The following CEP112 variants were observed in gnomAD, a reference collection of about 807,000 sequenced individuals.
CEP112 encodes centrosomal protein of 112 kDa.
A neutral mutation model predicts 153.0 loss-of-function variants in CEP112; 127 were observed. That is an observed-to-expected ratio of 0.83 (90% CI 0.72 to 0.96). CEP112 has a LOEUF of 0.96. CEP112 is among the 40% of genes least tolerant of loss of function. The pLI, the probability that CEP112 is intolerant of heterozygous loss-of-function variation, is 0.00. For missense variants in CEP112, 1,089 were observed against 1,101.2 expected, an observed-to-expected ratio of 0.99 and a Z score of 0.16; for synonymous variants, 358 against 374.4, an observed-to-expected ratio of 0.96 and a Z score of 0.51.
intron 23 of CEP112, among the ~76,000 whole-genome samples, chr17:65,721,560 T>C (rs183331018): frequency 6.6e-6 from 1 of 152,206 alleles, no homozygotes; most frequent in Non-Finnish European, 1.5e-5. Flanking sequence ...ATATTGATCA[T>C]CTAGCATCAT....
chr17:66,151,513 A>T (rs1380995987), intron 4 of CEP112, among the ~76,000 whole-genome samples: 1 of 152,214 alleles, frequency 6.6e-6, no homozygotes, highest in Non-Finnish European at 1.5e-5. Context: ...TTTAATAAAC[A>T]GAATCCGACA....
At chr17:65,909,946 G>A (rs2060223860) in intron 19 of CEP112, among the ~76,000 whole-genome samples, 1 of 152,108 alleles carries the variant, frequency 6.6e-6, no homozygotes, top group African/African-American at 2.4e-5. Flanking sequence ...TTCTGCCTGG[G>A]TGGAAGAATA....
chr17:65,956,609 C>T (rs55749520), intron 18 of CEP112, among the ~76,000 whole-genome samples: 62,290 of 150,866 alleles, frequency 0.41, 14,177 homozygotes, highest in East Asian at 0.87. Context: ...ACAATAAACT[C>T]TGGGGACTCA....
intron 4 of CEP112, among the ~76,000 whole-genome samples, chr17:66,161,063 CCAA>C (rs531992454): frequency 2.5e-3 from 386 of 151,834 alleles, no homozygotes; most frequent in South Asian, 4.6e-3. Flanking sequence ...ATTTATGCCA[CCAA>C]CAAACATACG....
At chr17:66,037,662 A>G (rs1186600293) in intron 12 of CEP112, among the ~76,000 whole-genome samples, 1 of 152,162 alleles carries the variant, frequency 6.6e-6, no homozygotes, top group Non-Finnish European at 1.5e-5. Flanking sequence ...CTCTAGTACC[A>G]TAAAAGTATG....
intron 23 of CEP112, among the ~76,000 whole-genome samples, chr17:65,722,272 A>G (rs919667759): frequency 5.9e-5 from 9 of 151,662 alleles, no homozygotes; most frequent in African/African-American, 1.9e-4. Context: ...TTTTTGAGAT[A>G]GAGTCTCCCT....
At chr17:65,947,842 G>C (rs1207414318) in intron 18 of CEP112, among the ~76,000 whole-genome samples, 2 of 151,962 alleles carry the variant, frequency 1.3e-5, no homozygotes, top group South Asian at 2.1e-4. Context: ...TTAACCAAGA[G>C]AAAATGCTTC....
chr17:65,848,081 C>T (rs959902796), intron 21 of CEP112, among the ~76,000 whole-genome samples: 8 of 152,198 alleles, frequency 5.3e-5, no homozygotes, highest in East Asian at 1.9e-4. Context: ...TGATTCTTCA[C>T]GTCATTAAGC....
At chr17:66,190,401 G>A (rs1008243541) in intron 1 of CEP112, among the ~76,000 whole-genome samples, 1 of 151,988 alleles carries the variant, frequency 6.6e-6, no homozygotes, top group Non-Finnish European at 1.5e-5. Flanking sequence ...CTTATCAAAA[G>A]TTTCATACCA....
intron 8 of CEP112, among the ~76,000 whole-genome samples, chr17:66,074,945 G>T (rs892299636): frequency 1.5e-4 from 22 of 151,400 alleles, no homozygotes; most frequent in Admixed American, 2.6e-4. Flanking sequence ...GAAACAACAG[G>T]CTCCCCAACA....
chr17:65,980,168 T>C (rs1473587440), intron 17 of CEP112, among the ~76,000 whole-genome samples: 2 of 152,182 alleles, frequency 1.3e-5, no homozygotes, highest in Admixed American at 6.5e-5. Context: ...AGAATAGAGA[T>C]ATATGGTTCA....
At chr17:66,097,722 C>A (rs1405351777) in intron 6 of CEP112, among the ~76,000 whole-genome samples, 1 of 152,032 alleles carries the variant, frequency 6.6e-6, no homozygotes, top group Non-Finnish European at 1.5e-5. Flanking sequence ...TGTATAGTAG[C>A]CTTTCAATAA....
chr17:65,850,120 C>T (rs529334799), intron 21 of CEP112, among the ~76,000 whole-genome samples: 10 of 144,158 alleles, frequency 6.9e-5, no homozygotes, highest in Non-Finnish European at 1.3e-4. Flanking sequence ...TGCCACTGCA[C>T]TCCAGCCTGG....
intron 12 of CEP112, among the ~76,000 whole-genome samples, chr17:66,034,987 TATATAC>T (rs58084814): frequency 0.33 from 31,178 of 95,134 alleles, 6,580 homozygotes; most frequent in Non-Finnish European, 0.44. Flanking sequence ...TATATATATA[TATATAC>T]ATATATATAT....
chr17:65,668,677 G>A (rs756813647), intron 24 of CEP112, among the ~76,000 whole-genome samples: 51 of 152,140 alleles, frequency 3.4e-4, no homozygotes, highest in Admixed American at 8.5e-4. Flanking sequence ...TTCTTTCCTG[G>A]GATGGAACAA....
At chr17:65,754,871 G>A (rs758055233) in intron 21 of CEP112, among the ~76,000 whole-genome samples, 9 of 152,150 alleles carry the variant, frequency 5.9e-5, no homozygotes, top group Non-Finnish European at 1.0e-4. Context: ...ACTTGTAAGT[G>A]GGAGCTGAAC....
chr17:66,015,068 G>A (rs2064713073), intron 16 of CEP112, among the ~76,000 whole-genome samples: 1 of 152,176 alleles, frequency 6.6e-6, no homozygotes, highest in Non-Finnish European at 1.5e-5. Context: ...TTACACTAAT[G>A]ATGCCATAAA....
intron 21 of CEP112, among the ~76,000 whole-genome samples, chr17:65,757,999 A>G (rs1177358469): frequency 2.0e-5 from 3 of 152,026 alleles, no homozygotes; most frequent in Non-Finnish European, 4.4e-5. Flanking sequence ...AGGGAACCAC[A>G]ATTTGGGAAC....
chr17:65,879,471 T>G (rs1181571608), intron 20 of CEP112, among the ~76,000 whole-genome samples: 1 of 152,198 alleles, frequency 6.6e-6, no homozygotes, highest in Non-Finnish European at 1.5e-5. Context: ...TTTCTGTTCT[T>G]TCCAGGTACA....
Sources: gnomAD v4.1 joint callset for allele counts (sites outside exome capture counted in the v4.1 genomes callset) on GRCh38, gnomAD v4.1.1 for gene constraint, MANE v1.5 for transcripts, NCBI Gene and HGNC (gene_info 2026-07-23, HGNC 2026-07-21) for gene names.